HSPA4: variants seen among roughly 807,000 people sequenced by gnomAD.
HSPA4 encodes the protein heat shock protein family A (Hsp70) member 4.
A neutral mutation model predicts 106.2 loss-of-function variants in HSPA4; 25 were observed. The ratio of observed to expected loss-of-function variants is 0.24; its 90% CI spans 0.17 to 0.33. The LOEUF (loss-of-function observed/expected upper bound fraction) is 0.33, where lower values mean the gene tolerates loss of function less well. Ranked by LOEUF, HSPA4 falls within the 10% of genes least tolerant of loss-of-function variation. The pLI is 1.00. For synonymous variants in HSPA4, 332 were observed against 333.6 expected (o/e 1.00, Z 0.05); for missense variants, 841 against 996.0 (o/e 0.84, Z 2.10).
intron 17 of HSPA4, among the ~76,000 whole-genome samples, chr5:133,102,701 T>C (rs759791025): frequency 5.3e-5 from 8 of 152,160 alleles, no homozygotes; most frequent in Non-Finnish European, 1.0e-4. Context: ...TAAGAAACTT[T>C]GAATGATAAA....
chr5:133,074,420 G>A (rs953696880), intron 6 of HSPA4, among the ~76,000 whole-genome samples: 1 of 151,754 alleles, frequency 6.6e-6, no homozygotes, highest in Non-Finnish European at 1.5e-5. Context: ...CTGGGATTAC[G>A]GGCATGTGCC....
intron 6 of HSPA4, among the ~76,000 whole-genome samples, chr5:133,075,531 C>T (rs1030998739): frequency 6.6e-6 from 1 of 152,014 alleles, no homozygotes; most frequent in Non-Finnish European, 1.5e-5. Context: ...ATGGTAAAAC[C>T]CTGTCTCTAC....
intron 1 of HSPA4, among the ~76,000 whole-genome samples, chr5:133,052,613 C>T (rs764225536): frequency 1.3e-5 from 2 of 152,246 alleles, no homozygotes; most frequent in Admixed American, 1.3e-4. Flanking sequence ...GGCCGGTACT[C>T]GGACCAGCGG....
chr5:133,057,939 A>G (rs965546114), intron 1 of HSPA4, among the ~76,000 whole-genome samples: 3 of 152,256 alleles, frequency 2.0e-5, no homozygotes, highest in African/African-American at 7.2e-5. Context: ...CCAATTATGG[A>G]CAAGGCTGTG....
At position 133,052,170 on chromosome 5, in the gene HSPA4, TC is replaced by T; in HGVS notation, c.-79del. 1 of 971,722 alleles carries T rather than the reference TC, an allele frequency of 1.0e-6. No homozygotes were observed. Among genetic ancestry groups the T allele is most frequent in the South Asian group, 1.4e-5 (1 of 71,176 alleles). 60.2% of individuals were successfully genotyped at this position (971,722 alleles called of 1,614,324 possible). A position where few individuals can be genotyped will look rare whatever the true frequency, so the allele number is the denominator to read the frequency against. On this transcript the variant is annotated 5_prime_UTR_variant, in exon 1 of 19. Coordinates refer to ENST00000304858, the MANE Select transcript of HSPA4 (RefSeq NM_002154.4). The stretch of plus-strand genomic sequence containing the variant: ...TAGCCTCGGCCCAAGAGGCCTGCTT[TC>T]CACTCGCTAGCCCCGCCGGGGGTCC...
intron 10 of HSPA4, 103 bp downstream of exon 10, chr5:133,089,264 A>T (rs925337353): frequency 7.4e-6 from 5 of 676,360 alleles, no homozygotes; most frequent in Non-Finnish European, 1.2e-5. Flanking sequence ...GTAACATTTT[A>T]TCATAGTGCA....
At chr5:133,055,715 C>G (rs1204235189) in intron 1 of HSPA4, among the ~76,000 whole-genome samples, 1 of 152,008 alleles carries the variant, frequency 6.6e-6, no homozygotes, top group South Asian at 2.1e-4. Context: ...TAATTACTAA[C>G]TGTGGTAAAG....
chr5:133,067,517 A>G lies in HSPA4; in HGVS notation c.266A>G (p.Tyr89Cys), dbSNP rs1765322909. 2 of 1,614,044 alleles carry G rather than the reference A, an allele frequency of 1.2e-6. No homozygotes were observed. Among genetic ancestry groups the G allele is most frequent in the Non-Finnish European group, 1.7e-6 (2 of 1,179,902 alleles). The change falls in exon 3 of 19, where the codon TAT becomes TGT. Residue 89 changes from tyrosine to cysteine, a missense_variant. This residue lies in a region of HSPA4 where 347 missense variants were observed against 408.7 expected (regional missense o/e 0.85). Transcript: ENST00000304858. ...GAGGCAGAAAAATCTAACCTTGCATATGATATTGTGCAGTTGCCTACAGGA... is the reference window on the plus strand; with the variant it reads ...GAGGCAGAAAAATCTAACCTTGCATGTGATATTGTGCAGTTGCCTACAGGA... ...FVEAEKSNLAYDIVQLPTGLT... is the reference protein window; with the variant it reads ...FVEAEKSNLACDIVQLPTGLT...
Position 133,089,134 on chromosome 5 carries a change from G to A in HSPA4, c.1217G>A (p.Trp406Ter), listed in dbSNP as rs1253240152. 1 of 1,595,932 alleles carries A rather than the reference G, an allele frequency of 6.3e-7. No homozygotes were observed. The highest frequency in any genetic ancestry group is 1.3e-5 in the African/African-American group (1 of 74,570). ...DVVPYPISLR[W>*]NSPAEEGSSD... ...GTACCATATCCAATATCTCTGAGAT[G>A]GAATTCTCCAGCTGAAGAAGGGTCA... Residue 406 changes from tryptophan to a stop codon, truncating the protein, a stop_gained, in exon 10 of 19, where the codon TGG becomes TAG. Transcript: ENST00000304858. LOFTEE classifies it high-confidence loss of function.
intron 2 of HSPA4, among the ~76,000 whole-genome samples, chr5:133,066,462 T>C (rs1026083529): frequency 3.3e-5 from 5 of 152,222 alleles, no homozygotes; most frequent in African/African-American, 1.2e-4. Flanking sequence ...GATAAAAAAG[T>C]GTAAGTCACC....
At chr5:133,096,305 T>G in intron 14 of HSPA4, 55 bp downstream of exon 14, 1 of 1,502,802 alleles carries the variant, frequency 6.7e-7, no homozygotes, top group South Asian at 1.2e-5. Flanking sequence ...GTTACCATAG[T>G]ATTCAGACTC....
At chr5:133,065,816 C>G (rs116491424) in intron 2 of HSPA4, among the ~76,000 whole-genome samples, 2,253 of 152,252 alleles carry the variant, frequency 0.015, 22 homozygotes, top group Non-Finnish European at 0.023. Flanking sequence ...ATAACCAGAG[C>G]AGCAGAACCC....
At position 133,101,641 on chromosome 5, in the gene HSPA4, T is replaced by C. The variant is rs930825019; in HGVS notation, c.2038-118T>C. The C allele has an allele frequency of 4.4e-6, 4 of 916,198 alleles. No individual in the cohort carries two copies. The African/African-American group carries it at 5.2e-5, about 12-fold the overall frequency. The allele number at this position is 916,198 out of a possible 1,614,324, so 56.8% of individuals were successfully genotyped here. ...ATATTTCCAAAGGCCTGGAGAAATATATTTAACTTCTTATATATAGCACAC... is the reference window on the plus strand; with the variant it reads ...ATATTTCCAAAGGCCTGGAGAAATACATTTAACTTCTTATATATAGCACAC... On this transcript the variant is annotated intron_variant, in intron 16 of 18. Transcript: ENST00000304858.
rs764037393 is a variant in HSPA4, at chr5:133,103,904, A to G, written c.2197A>G (p.Lys733Glu). Residue 733 changes from lysine to glutamate, a missense_variant, in exon 18 of 19, where the codon AAG becomes GAG. Around this residue, in one of 5 missense-constraint regions of HSPA4, gnomAD observed 328 missense variants for 372.2 expected, o/e 0.88. Transcript: ENST00000304858. The part of the protein sequence containing the change: ...YDHLDAADMT[K>E]VEKSTNEAME... ...TCATTTGGATGCTGCTGACATGACA[A>G]AGGTAGAAAAAAGCACAAATGAAGC... 4.3e-6 allele frequency: 7 copies of G among 1,613,984 alleles called. No homozygotes were observed. Among genetic ancestry groups the G allele is most frequent in the Admixed American group, 3.3e-5 (2 of 59,996 alleles).
rs1386635292 is a variant in HSPA4, at chr5:133,104,417, C to T, written c.2504C>T (p.Pro835Leu). 1 of 1,613,924 alleles carries T rather than the reference C, an allele frequency of 6.2e-7. No individual in the cohort carries two copies. The highest frequency in any genetic ancestry group is 8.5e-7 in the Non-Finnish European group (1 of 1,179,926). Residue 835 changes from proline (P) to leucine (L), a missense_variant, in exon 19 of 19, where the codon CCT becomes CTT. Physicochemically the swap from Pro to Leu is moderately conservative, Grantham distance 98 (BLOSUM62 -3). This residue lies in a region of HSPA4 where 328 missense variants were observed against 372.2 expected (regional missense o/e 0.88). Transcript: ENST00000304858. ...AVPSDSDKKL[P>L]EMDID is the part of the protein sequence containing the mutation. ...CCTTCGGATTCAGACAAGAAGCTTC[C>T]TGAAATGGACATTGATTGATTCCAA...
chr5:133,084,800 A>G (rs144272042), intron 7 of HSPA4, among the ~76,000 whole-genome samples: 2,530 of 151,998 alleles, frequency 0.017, 35 homozygotes, highest in South Asian at 0.039. Context: ...ATGTAATTTA[A>G]TAAAGTTACC....
At chr5:133,077,723 C>T (rs1765463157) in intron 7 of HSPA4, among the ~76,000 whole-genome samples, 1 of 152,104 alleles carries the variant, frequency 6.6e-6, no homozygotes, top group Non-Finnish European at 1.5e-5. Context: ...GTGAACTCTA[C>T]TGGTAGAATT....
intron 1 of HSPA4, among the ~76,000 whole-genome samples, chr5:133,060,017 T>C (rs1446547749): frequency 6.6e-6 from 1 of 152,042 alleles, no homozygotes; most frequent in African/African-American, 2.4e-5. Flanking sequence ...TTGAAGACTT[T>C]TCAGAGCATT....
rs757732992 is a variant in HSPA4, at chr5:133,096,214, A to G, written c.1767A>G (p.Ile589Met). ...LPIENQLLWQIDREMLNLYIE... is the reference protein window; with the variant it reads ...LPIENQLLWQMDREMLNLYIE... ...TCGAGAATCAGCTATTATGGCAGATAGACAGAGAGATGCTCAACTTGTACA... is the reference window on the plus strand; with the variant it reads ...TCGAGAATCAGCTATTATGGCAGATGGACAGAGAGATGCTCAACTTGTACA... The change falls in exon 14 of 19, where the codon ATA (isoleucine) becomes ATG (methionine). Residue 589 changes from isoleucine to methionine, a missense_variant. Physicochemically the swap from Ile to Met is conservative, Grantham distance 10 (BLOSUM62 1). Coordinates refer to ENST00000304858, the MANE Select transcript of HSPA4 (RefSeq NM_002154.4). The G allele has an allele frequency of 1.9e-6, 3 of 1,613,814 alleles. No homozygotes were observed. The highest frequency in any genetic ancestry group is 1.1e-5 in the South Asian group (1 of 91,044).
Sources: allele counts gnomAD v4.1 joint callset (sites outside exome capture counted in the v4.1 genomes callset), GRCh38; gene constraint gnomAD v4.1.1; regional missense constraint gnomAD v4.1.1; transcripts MANE v1.5; gene names NCBI Gene and HGNC (gene_info 2026-07-23, HGNC 2026-07-21).